The following ADCK5 variants were observed in gnomAD, a reference collection of about 807,000 sequenced individuals.
ADCK5 encodes the protein aarF domain containing kinase 5.
A neutral mutation model predicts 64.9 loss-of-function variants in ADCK5; 43 were observed. The observed-to-expected ratio is 0.66, with a 90% CI of 0.52 to 0.85. The LOEUF (loss-of-function observed/expected upper bound fraction) is 0.85, where lower values mean the gene tolerates loss of function less well. ADCK5 is among the 40% of genes least tolerant of loss of function. The pLI, the probability that ADCK5 is intolerant of heterozygous loss-of-function variation, is 0.00. For synonymous variants in ADCK5, 434 were observed against 342.8 expected, an observed-to-expected ratio of 1.27 and a Z score of -2.94; for missense variants, 760 against 810.5, an observed-to-expected ratio of 0.94 and a Z score of 0.76.
At chr8:144,392,369 G>A in intron 12 of ADCK5, 24 bp downstream of exon 12, 1 of 1,488,252 alleles carries the variant, frequency 6.7e-7, no homozygotes. Context: ...GGGATGGCTG[G>A]GGCACCACAG....
rs782047392 is a variant in ADCK5 at position 144,383,196 on chromosome 8, C to T, written c.232C>T (p.Arg78Trp). Residue 78 changes from arginine (R) to tryptophan (W), a missense_variant, in exon 3 of 15, where the codon CGG becomes TGG. By Grantham distance (101) the Arg-to-Trp change is moderately radical. Transcript: ENST00000308860. ...AGAGGCACGGGAGAAGAGGAGGATG[C>T]GGCTCGTGGTGGATGGCATGGGGCG... is the stretch of plus-strand genomic sequence containing the variant. ...MAEAREKRRM[R>W]LVVDGMGRFG... The T allele has an allele frequency of 2.2e-5, 35 of 1,596,030 alleles. No homozygotes were observed. Among genetic ancestry groups the T allele is most frequent in the African/African-American group, 4.0e-5 (3 of 74,712 alleles).
At chr8:144,388,776 A>G (rs1163825140) in intron 3 of ADCK5, among the ~76,000 whole-genome samples, 2 of 152,166 alleles carry the variant, frequency 1.3e-5, no homozygotes, top group East Asian at 1.9e-4. Context: ...AAAAAAAAAA[A>G]AAGAAACCGA....
At chr8:144,373,716 T>TA (rs1819246333), upstream of ADCK5, 1 of 245,570 alleles carries the variant, frequency 4.1e-6, no homozygotes, top group South Asian at 1.8e-4. Flanking sequence ...CACGGAGTGT[T>TA]AAAGAGAGGC....
chr8:144,392,419 CCCTCCCTCCCT>C lies in ADCK5; in HGVS notation c.1268-23_1268-13del. The C allele has an allele frequency of 1.4e-6, 1 of 714,242 alleles. No homozygotes were observed. The highest frequency in any genetic ancestry group is 2.1e-6 in the Non-Finnish European group (1 of 478,818). The allele number at this position is 714,242 out of a possible 1,614,324, so 44.2% of individuals were successfully genotyped here. ...GCGCGGAACCCACTCAGAGCCCCCT[CCCTCCCTCCCT>C]CCCTCCCTCCCCAGACTACCTCCTG... On this transcript the variant is annotated splice_polypyrimidine_tract_variant and intron_variant, in intron 12 of 14. Coordinates refer to ENST00000308860, the MANE Select transcript of ADCK5 (RefSeq NM_174922.5).
intron 6 of ADCK5, 28 bp downstream of exon 6, chr8:144,391,302 TGGGCTG>T (rs1554860461): frequency 6.2e-6 from 10 of 1,612,242 alleles, no homozygotes; most frequent in Non-Finnish European, 8.5e-6. Flanking sequence ...TGTTCAGCAG[TGGGCTG>T]GGGCGGGGCA....
At position 144,379,425 on chromosome 8, in the gene ADCK5, C is replaced by A. The variant is rs6599528; in HGVS notation, c.51C>A (p.Ser17Arg). The change falls in exon 2 of 15, where the codon AGC (serine) becomes AGA (arginine). Residue 17 changes from serine (S) to arginine (R), a missense_variant. Coordinates refer to ENST00000308860, the MANE Select transcript of ADCK5 (RefSeq NM_174922.5). ...LCHFHSALLHSRQKPWPSPAV... is the reference protein window; with the variant it reads ...LCHFHSALLHRRQKPWPSPAV... Reference sequence around the variant, plus strand: ...ATTTCCACTCTGCTCTGCTGCACAGCAGGCAGAAGCCCTGGCCGTCCCCTG... The same window carrying A: ...ATTTCCACTCTGCTCTGCTGCACAGAAGGCAGAAGCCCTGGCCGTCCCCTG... 847,682 of 1,608,900 alleles carry A rather than the reference C, an allele frequency of 0.53. 229,818 individuals carry two copies. The highest frequency in any genetic ancestry group is 0.65 in the Middle Eastern group (3,902 of 6,046).
At chr8:144,381,282 G>A (rs1221776018) in intron 2 of ADCK5, among the ~76,000 whole-genome samples, 1 of 147,898 alleles carries the variant, frequency 6.8e-6, no homozygotes, top group Non-Finnish European at 1.5e-5. Flanking sequence ...TCAGATGTGT[G>A]CTCAGGCCCC....
In ADCK5 at chr8:144,390,957, G is replaced by A. The variant is rs1820191438; in HGVS notation, c.444G>A (p.Leu148=). The A allele has an allele frequency of 6.2e-7, 1 of 1,613,010 alleles. No homozygotes were observed. Among genetic ancestry groups the A allele is most frequent in the African/African-American group, 1.3e-5 (1 of 75,044 alleles). The part of the protein sequence containing the change: ...AISNGGLYVK[L]GQGLCSFNHL... ...GCAACGGGGGCCTCTACGTGAAGCT[G>A]GGCCAGGGGCTGTGCTCCTTCAACC... The change falls in exon 5 of 15, where the codon CTG becomes CTA. Residue 148 remains leucine (L), a synonymous_variant. Transcript: ENST00000308860.
chr8:144,390,275 C>G (rs983569876), intron 3 of ADCK5, among the ~76,000 whole-genome samples: 7 of 152,224 alleles, frequency 4.6e-5, no homozygotes, highest in African/African-American at 1.7e-4. Context: ...CACAGGTGTG[C>G]ACCACCGTGC....
chr8:144,388,560 C>T (rs191931174), intron 3 of ADCK5, among the ~76,000 whole-genome samples: 206 of 151,998 alleles, frequency 1.4e-3, no homozygotes, highest in Middle Eastern at 6.8e-3. Context: ...GTCGGGAGAT[C>T]GAGACCATCC....
Position 144,392,566 on chromosome 8 carries a change from C to T in ADCK5, c.1389C>T (p.Phe463=), listed in dbSNP as rs781885088. ...AYMVDMARER[F]EAVMAVLREL... is the part of the protein sequence containing the mutation. ...TGGTGGACATGGCCCGCGAGCGCTT[C>T]GAGGCCGTCATGGCGGTGCTCAGGG... Residue 463 remains phenylalanine (F), a synonymous_variant, in exon 13 of 15, where the codon TTC becomes TTT. Transcript: ENST00000308860. 3.4e-5 allele frequency: 54 copies of T among 1,572,204 alleles called. No homozygotes were observed. In the South Asian group the frequency reaches 5.7e-4, roughly 17 times the overall value.
At position 144,374,093 on chromosome 8, in the gene ADCK5, G is replaced by C; in HGVS notation, c.-3G>C. On this transcript the variant is annotated 5_prime_UTR_variant, in exon 1 of 15. Transcript: ENST00000308860. ...CGGGAGAAGAGCGGAGCAGTGGTCG[G>C]AGATGTGGCGACCGGTGAGGACTCT... The C allele has an allele frequency of 8.0e-7, 1 of 1,248,388 alleles. No homozygotes were observed. Among genetic ancestry groups the C allele is most frequent in the Non-Finnish European group, 1.0e-6 (1 of 988,912 alleles). 77.3% of individuals were successfully genotyped at this position (1,248,388 alleles called of 1,614,324 possible).
chr8:144,373,560 G>A (rs1554856459), upstream of ADCK5, among the ~76,000 whole-genome samples: 2 of 152,232 alleles, frequency 1.3e-5, no homozygotes, highest in Non-Finnish European at 2.9e-5. Flanking sequence ...GTCTCCCCAT[G>A]GGCACGGGAG....
At chr8:144,379,575 C>T in intron 2 of ADCK5, 85 bp downstream of exon 2, 1 of 1,172,006 alleles carries the variant, frequency 8.5e-7, no homozygotes, top group Non-Finnish European at 1.2e-6. Flanking sequence ...CAGTCGAGGG[C>T]CCAAGGCTGG....
chr8:144,392,821 T>A lies in ADCK5; in HGVS notation c.1566T>A (p.Gly522=). ...GCCTGGCGGGCGCCACGTATCGGGG[T>A]GTCTACGGCACCAGCCTCCTGCGCC... ...WSRLAGATYR[G]VYGTSLLRHA... Residue 522 remains glycine, a synonymous_variant, in exon 14 of 15, where the codon GGT becomes GGA. Transcript: ENST00000308860. 6.3e-7 allele frequency: 1 copy of A among 1,590,216 alleles called. No individual in the cohort carries two copies. Among genetic ancestry groups the A allele is most frequent in the Admixed American group, 1.7e-5 (1 of 57,596 alleles).
chr8:144,379,309 A>G, intron 1 of ADCK5, 78 bp from the exon 2 acceptor site: 1 of 1,060,708 alleles, frequency 9.4e-7, no homozygotes, highest in South Asian at 1.7e-5. Context: ...ACTCCAGCAC[A>G]TGTAAGTGCT....
rs782451383 is a variant in ADCK5, at chr8:144,393,018, G to T, written c.1687G>T (p.Val563Phe). Residue 563 changes from valine to phenylalanine, a missense_variant, in exon 15 of 15, where the codon GTC becomes TTC. Val to Phe is a conservative substitution (Grantham distance 50, BLOSUM62 -1). Coordinates refer to ENST00000308860, the MANE Select transcript of ADCK5 (RefSeq NM_174922.5). ...RLTALLARAL[V>F]HLSLVPPAEE... Reference sequence around the variant, plus strand: ...GACCGCCCTCCTGGCTCGTGCTCTGGTCCACCTGAGCCTCGTGCCCCCAGC... The same window carrying T: ...GACCGCCCTCCTGGCTCGTGCTCTGTTCCACCTGAGCCTCGTGCCCCCAGC... 1.9e-6 allele frequency: 3 copies of T among 1,591,636 alleles called. No homozygotes were observed. In the Admixed American group the frequency reaches 5.2e-5, roughly 28 times the overall value.
rs1452014556 is a variant in ADCK5 at position 144,392,988 on chromosome 8, C to A, written c.1657C>A (p.Arg553=). Residue 553 remains arginine, a synonymous_variant, in exon 15 of 15, where the codon CGG becomes AGG. Coordinates refer to ENST00000308860, the MANE Select transcript of ADCK5 (RefSeq NM_174922.5). ...VALRLETLAM[R]LTALLARALV... ...ACGCAGGCTGGAGACCTTGGCCATG[C>A]GGCTGACCGCCCTCCTGGCTCGTGC... 6.3e-7 allele frequency: 1 copy of A among 1,587,134 alleles called. No homozygotes were observed. The highest frequency in any genetic ancestry group is 2.3e-5 in the East Asian group (1 of 43,928).
In ADCK5 at chr8:144,374,092, G is replaced by C. The variant is rs374055237; in HGVS notation, c.-4G>C. On this transcript the variant is annotated 5_prime_UTR_variant, in exon 1 of 15. Transcript: ENST00000308860. ...GCGGGAGAAGAGCGGAGCAGTGGTC[G>C]GAGATGTGGCGACCGGTGAGGACTC... 1 of 1,248,306 alleles carries C rather than the reference G, an allele frequency of 8.0e-7. No individual in the cohort carries two copies. Among genetic ancestry groups the C allele is most frequent in the Non-Finnish European group, 1.0e-6 (1 of 988,856 alleles). The allele number at this position is 1,248,306 out of a possible 1,614,324, so 77.3% of individuals were successfully genotyped here. A position where few individuals can be genotyped will look rare whatever the true frequency, so the allele number is the denominator to read the frequency against.
Sources: allele counts gnomAD v4.1 joint callset (sites outside exome capture counted in the v4.1 genomes callset), GRCh38; gene constraint gnomAD v4.1.1; transcripts MANE v1.5; gene names NCBI Gene and HGNC (gene_info 2026-07-23, HGNC 2026-07-21).